Variants in MME observed in about 807,000 individuals in gnomAD.
MME encodes membrane metalloendopeptidase, also known as neprilysin.
In MME, 98 loss-of-function variants were observed where a neutral mutation model predicts 113.2. The observed-to-expected ratio is 0.87, with a 90% CI of 0.74 to 1.02. The LOEUF (loss-of-function observed/expected upper bound fraction) is 1.02, where lower values mean the gene tolerates loss of function less well. MME is among the 50% of genes least tolerant of loss of function. The probability of loss-of-function intolerance (pLI) is 0.00; values close to 1 mark genes in which losing one functional copy is unlikely to be tolerated. For missense variants in MME, 836 were observed against 896.0 expected (o/e 0.93, Z 0.86); for synonymous variants, 292 against 300.6 (o/e 0.97, Z 0.30).
intron 3 of MME, among the ~76,000 whole-genome samples, chr3:155,100,993 TG>T (rs1717155340): frequency 6.6e-6 from 1 of 152,202 alleles, no homozygotes; most frequent in African/African-American, 2.4e-5. Context: ...ATTTGGATCA[TG>T]GGGGCAGATC....
At chr3:155,111,402 A>G (rs1309838528) in intron 3 of MME, among the ~76,000 whole-genome samples, 21 of 152,212 alleles carry the variant, frequency 1.4e-4, no homozygotes, top group Non-Finnish European at 2.9e-5. Context: ...GGGAAATTTT[A>G]AAGAGTGGCC....
At chr3:155,086,980 T>C (rs570036189) in intron 3 of MME, among the ~76,000 whole-genome samples, 1 of 134,908 alleles carries the variant, frequency 7.4e-6, no homozygotes, top group South Asian at 2.3e-4. Context: ...AGGTTGTGGG[T>C]TTTTTGTTTT....
intron 3 of MME, among the ~76,000 whole-genome samples, chr3:155,087,252 T>G (rs78307165): frequency 3.5e-5 from 4 of 115,584 alleles, no homozygotes; most frequent in African/African-American, 1.7e-4. Context: ...CCCTTTGGTT[T>G]TTTTTTTTTT....
intron 1 of MME, among the ~76,000 whole-genome samples, chr3:155,045,493 T>C (rs566850482): frequency 1.4e-4 from 22 of 151,988 alleles, no homozygotes; most frequent in Admixed American, 3.3e-4. Context: ...GTCTAGGTAG[T>C]TGTGGTTTGG....
At chr3:155,030,013 T>C (rs1712916255) in intron 1 of MME, among the ~76,000 whole-genome samples, 2 of 152,164 alleles carry the variant, frequency 1.3e-5, no homozygotes, top group South Asian at 4.1e-4. Context: ...TATTGAGGCC[T>C]AAGCAATTGT....
chr3:155,164,292 CAG>C (rs1175422772), intron 17 of MME, among the ~76,000 whole-genome samples: 1 of 151,938 alleles, frequency 6.6e-6, no homozygotes, highest in Non-Finnish European at 1.5e-5. Context: ...GAGGCAAAAA[CAG>C]GGGGAAGAGG....
rs770678248 is a variant in MME at position 155,084,265 on chromosome 3, T to C, written c.98T>C (p.Val33Ala). ...RWTPLEISLS[V>A]LVLLLTIIAV... ...ACTCCACTGGAGATCAGCCTCTCGGTCCTTGTCCTGCTCCTCACCATCATA... is the reference window on the plus strand; with the variant it reads ...ACTCCACTGGAGATCAGCCTCTCGGCCCTTGTCCTGCTCCTCACCATCATA... The change falls in exon 2 of 23, where the codon GTC becomes GCC. Residue 33 changes from valine (V) to alanine (A), a missense_variant. Coordinates refer to ENST00000360490, the MANE Select transcript of MME (RefSeq NM_007289.4). 1 of 1,614,168 alleles carries C rather than the reference T, an allele frequency of 6.2e-7. No homozygotes were observed. Among genetic ancestry groups the C allele is most frequent in the Non-Finnish European group, 8.5e-7 (1 of 1,180,030 alleles).
At chr3:155,082,011 T>C (rs1715193858) in intron 1 of MME, 1 of 152,226 alleles carries the variant, frequency 6.6e-6, no homozygotes, top group African/African-American at 2.4e-5. Flanking sequence ...TGTAACTGTT[T>C]CTGCAAACTT....
intron 1 of MME, among the ~76,000 whole-genome samples, chr3:155,071,414 A>G (rs1020150990): frequency 5.9e-5 from 9 of 152,206 alleles, no homozygotes; most frequent in African/African-American, 2.2e-4. Context: ...ACTCAGCTGT[A>G]GTCAATTGAA....
At chr3:155,045,440 G>T (rs560141346) in intron 1 of MME, among the ~76,000 whole-genome samples, 1 of 151,720 alleles carries the variant, frequency 6.6e-6, no homozygotes, top group Non-Finnish European at 1.5e-5. Context: ...GAGCCACCAC[G>T]CCTGGCCTAT....
intron 3 of MME, among the ~76,000 whole-genome samples, chr3:155,102,074 T>C (rs1471307412): frequency 1.3e-5 from 2 of 152,158 alleles, no homozygotes; most frequent in Non-Finnish European, 2.9e-5. Context: ...TATTAAAAGT[T>C]AAAAAAATTT....
chr3:155,091,796 A>G (rs1049063766), intron 3 of MME, among the ~76,000 whole-genome samples: 1 of 152,220 alleles, frequency 6.6e-6, no homozygotes, highest in African/African-American at 2.4e-5. Context: ...TGAATCCTGT[A>G]AATTTTCATT....
Position 155,182,412 on chromosome 3 carries a change from T to G in MME, c.*1953T>G, listed in dbSNP as rs2108397359. The stretch of plus-strand genomic sequence containing the variant: ...CATCTTACTTGAGCCTTTAATGGAC[T>G]TATTTCTTCAAATCCTTCCAAAAAT... On this transcript the variant is annotated 3_prime_UTR_variant, in exon 23 of 23. Transcript: ENST00000360490. 6.6e-6 allele frequency: 1 copy of G among 152,344 alleles called. No homozygotes were observed. The highest frequency in any genetic ancestry group is 2.1e-4 in the South Asian group (1 of 4,820). The allele number at this position is 152,344 out of a possible 1,614,324, so 9.4% of individuals were successfully genotyped here.
In MME at chr3:155,084,462, A is replaced by G. The variant is rs146549671; in HGVS notation, c.160+135A>G. Reference sequence around the variant, plus strand: ...ACTGACAAAGAGATTCATTTATAAAATGTAACATCAATATGTCAAAATAAT... The same window carrying G: ...ACTGACAAAGAGATTCATTTATAAAGTGTAACATCAATATGTCAAAATAAT... On this transcript the variant is annotated intron_variant, in intron 2 of 22. Coordinates refer to ENST00000360490, the MANE Select transcript of MME (RefSeq NM_007289.4). 489 of 867,704 alleles carry G rather than the reference A, an allele frequency of 5.6e-4. 2 individuals carry two copies. In the African/African-American group the frequency reaches 7.4e-3, roughly 13 times the overall value. 53.8% of individuals were successfully genotyped at this position (867,704 alleles called of 1,614,324 possible).
chr3:155,166,044 G>A (rs1723069228), intron 17 of MME, among the ~76,000 whole-genome samples: 1 of 152,134 alleles, frequency 6.6e-6, no homozygotes, highest in African/African-American at 2.4e-5. Context: ...AACTCTGTAG[G>A]ACACATTAGT....
chr3:155,137,044 T>C (rs1192182644), intron 8 of MME, among the ~76,000 whole-genome samples: 1 of 152,208 alleles, frequency 6.6e-6, no homozygotes, highest in Non-Finnish European at 1.5e-5. Context: ...TTCTTGCCAC[T>C]GTGAACTTGA....
intron 1 of MME, among the ~76,000 whole-genome samples, chr3:155,029,226 CA>C (rs1221842775): frequency 6.6e-6 from 1 of 152,056 alleles, no homozygotes; most frequent in Non-Finnish European, 1.5e-5. Context: ...AGTGTATTAT[CA>C]ATACTAAAGC....
chr3:155,044,131 T>C (rs796532802), intron 1 of MME, among the ~76,000 whole-genome samples: 13 of 143,030 alleles, frequency 9.1e-5, no homozygotes, highest in African/African-American at 2.6e-4. Context: ...TTTTCTTTTT[T>C]TTTTTTTTTT....
rs61185503 is a variant in MME, at chr3:155,157,165, C to T, written c.1602-3225C>T. 3.4e-3 allele frequency among the ~76,000 whole-genome samples: 517 copies of T among 152,084 alleles called. 4 individuals carry two copies. Among genetic ancestry groups the T allele is most frequent in the African/African-American group, 0.012 (488 of 41,510 alleles). ...CCTCTTTGTTTTACTGCCAAATGCC[C>T]CCAAACGAGAATAAGCTTACCTGAC... On this transcript the variant is annotated intron_variant, in intron 16 of 22. Transcript: ENST00000360490.
Sources: allele counts gnomAD v4.1 joint callset (sites outside exome capture counted in the v4.1 genomes callset), GRCh38; gene constraint gnomAD v4.1.1; transcripts MANE v1.5; gene names NCBI Gene and HGNC (gene_info 2026-07-23, HGNC 2026-07-21).